Variants in TENM1 observed in about 807,000 individuals in gnomAD.
TENM1 encodes teneurin-1.
A neutral mutation model predicts 174.8 loss-of-function variants in TENM1; 35 were observed. The ratio of observed to expected loss-of-function variants is 0.20; its 90% confidence interval spans 0.15 to 0.27. TENM1 has a LOEUF of 0.27. TENM1 is among the 10% of genes least tolerant of loss of function. The pLI, the probability that TENM1 is intolerant of heterozygous loss-of-function variation, is 1.00. For missense variants in TENM1, 1,633 were observed against 2,130.1 expected (o/e 0.77, Z 4.59); for synonymous variants, 781 against 798.7 (o/e 0.98, Z 0.37).
At chrX:124,631,097 TCC>T (rs2050745182) in intron 11 of TENM1, among the ~76,000 whole-genome samples, 1 of 111,612 alleles carries the variant, frequency 9.0e-6, no homozygotes, top group Non-Finnish European at 1.9e-5. Context: ...GCAATTAATA[TCC>T]AAGAGTTCAA....
At chrX:124,437,830 C>T (rs916330661) in intron 23 of TENM1, among the ~76,000 whole-genome samples, 2 of 112,129 alleles carry the variant, frequency 1.8e-5, no homozygotes, top group South Asian at 3.7e-4. Flanking sequence ...AAGATAAACA[C>T]GTTTCAACAG....
rs766280375 is a variant in TENM1, at chrX:124,754,273, G to A, written c.536-17076C>T. Among the ~76,000 whole-genome samples the A allele has an allele frequency of 4.3e-3, 482 of 111,333 alleles. 2 individuals carry two copies. Among genetic ancestry groups the A allele is most frequent in the Non-Finnish European group, 6.7e-3 (357 of 52,948 alleles). On this transcript the variant is annotated intron_variant, in intron 3 of 31. Coordinates refer to ENST00000422452, the Ensembl canonical transcript of TENM1. ...CTTCTAGATTTTCTAGTTTATTTGC[G>A]TAGAGGTGTTTGTAGTATTCTCTGA...
chrX:125,158,726 G>A, the TENM1 span, among the ~76,000 whole-genome samples: 1 of 111,625 alleles, frequency 9.0e-6, no homozygotes, highest in Non-Finnish European at 1.9e-5. Flanking sequence ...AGATTCCCAA[G>A]AGAGAGCAAG....
At chrX:125,168,277 T>C in the TENM1 span, among the ~76,000 whole-genome samples, 1 of 112,078 alleles carries the variant, frequency 8.9e-6, no homozygotes. Context: ...ACATGGCTAG[T>C]GCATAGTAAA....
At chrX:124,383,947 A>C in exon 30 of TENM1, 3 of 1,210,695 alleles carry the variant, frequency 2.5e-6, no homozygotes, top group Non-Finnish European at 3.4e-6. Flanking sequence ...CTAGTGGGGT[A>C]CCTGTATTAT....
chrX:124,747,223 A>C (rs192583719), intron 3 of TENM1, among the ~76,000 whole-genome samples: 87 of 109,393 alleles, frequency 8.0e-4, no homozygotes, highest in African/African-American at 2.7e-3. Flanking sequence ...GAATCTGCTC[A>C]TATGATATTA....
chrX:124,537,452 A>T (rs989258213), intron 15 of TENM1, among the ~76,000 whole-genome samples: 4 of 111,920 alleles, frequency 3.6e-5, no homozygotes, highest in African/African-American at 9.7e-5. Context: ...TTTTGCACTT[A>T]ACACAGCTCA....
chrX:124,961,619 G>A (rs922208298), intron 1 of TENM1, among the ~76,000 whole-genome samples: 2 of 111,063 alleles, frequency 1.8e-5, no homozygotes, highest in African/African-American at 6.6e-5. Flanking sequence ...ATTCCAGCCT[G>A]GGCAACAGAG....
At chrX:124,805,847 T>G (rs766437422) in intron 3 of TENM1, among the ~76,000 whole-genome samples, 1 of 112,516 alleles carries the variant, frequency 8.9e-6, no homozygotes, top group Non-Finnish European at 1.9e-5. Context: ...AAAGCCAATT[T>G]AAAAAAACTG....
At chrX:124,906,766 A>C (rs2057755487) in intron 1 of TENM1, among the ~76,000 whole-genome samples, 1 of 112,057 alleles carries the variant, frequency 8.9e-6, no homozygotes, top group Non-Finnish European at 1.9e-5. Flanking sequence ...TAATATAACG[A>C]CATAAACAAA....
At chrX:125,090,844 G>A in the TENM1 span, among the ~76,000 whole-genome samples, 1 of 111,478 alleles carries the variant, frequency 9.0e-6, no homozygotes, top group East Asian at 2.8e-4. Context: ...ATAGACCAAG[G>A]GACCAGGATA....
At chrX:124,423,290 C>A (rs1041426029) in intron 23 of TENM1, among the ~76,000 whole-genome samples, 1 of 112,222 alleles carries the variant, frequency 8.9e-6, no homozygotes, top group Non-Finnish European at 1.9e-5. Context: ...GTGTAGCACA[C>A]TGCTTACTTA....
At chrX:124,792,672 G>A in intron 3 of TENM1, among the ~76,000 whole-genome samples, 1 of 111,544 alleles carries the variant, frequency 9.0e-6, no homozygotes, top group Non-Finnish European at 1.9e-5. Flanking sequence ...ACCTAGCCAT[G>A]AGAAAAAAAG....
At chrX:125,085,629 T>C in the TENM1 span, among the ~76,000 whole-genome samples, 2 of 111,708 alleles carry the variant, frequency 1.8e-5, no homozygotes, top group South Asian at 7.3e-4. Context: ...CTTGTATTTT[T>C]CAAATGTTTA....
chrX:125,027,376 T>C, the TENM1 span, among the ~76,000 whole-genome samples: 2 of 111,619 alleles, frequency 1.8e-5, no homozygotes, highest in East Asian at 2.8e-4. Flanking sequence ...GAAACCTTTA[T>C]GGAGTGAGCA....
the TENM1 span, among the ~76,000 whole-genome samples, chrX:125,158,401 C>CAAAAAAAAAAAAAAAAAAAAAAAAAAAAA: frequency 2.7e-5 from 1 of 36,537 alleles, no homozygotes; most frequent in Non-Finnish European, 4.6e-5. Context: ...GAATCCATCT[C>CAAAAAAAAAAAAAAAAAAAAAAAAAAAAA]AAAAAAAAAA....
chrX:124,642,613 C>G (rs2051046367), intron 10 of TENM1, among the ~76,000 whole-genome samples: 1 of 111,633 alleles, frequency 9.0e-6, no homozygotes, highest in Non-Finnish European at 1.9e-5. Context: ...TCTATGAGAA[C>G]ACGGTGACAT....
At chrX:125,182,188 A>G in the TENM1 span, among the ~76,000 whole-genome samples, 2 of 109,311 alleles carry the variant, frequency 1.8e-5, no homozygotes, top group African/African-American at 6.7e-5. Context: ...CCCTTCCTCC[A>G]TTTTCAAAGC....
At chrX:124,764,289 C>A (rs894201274) in intron 3 of TENM1, among the ~76,000 whole-genome samples, 2 of 111,431 alleles carry the variant, frequency 1.8e-5, no homozygotes, top group Non-Finnish European at 3.8e-5. Context: ...ATTAGAGAAC[C>A]AATTAGGTAC....
Sources: allele counts gnomAD v4.1 joint callset (sites outside exome capture counted in the v4.1 genomes callset), GRCh38; gene constraint gnomAD v4.1.1; transcripts MANE v1.5; gene names NCBI Gene and HGNC (gene_info 2026-07-23, HGNC 2026-07-21).